RECQL: variants seen among roughly 807,000 people sequenced by gnomAD.
RECQL encodes the protein ATP-dependent DNA helicase Q1.
A neutral mutation model predicts 75.8 loss-of-function variants in RECQL; 73 were observed. The ratio of observed to expected loss-of-function variants is 0.96; its 90% CI spans 0.80 to 1.17. The LOEUF is 1.17. Among genes scored for constraint, RECQL ranks in the 50% most tolerant of loss-of-function variants. The pLI, the probability that RECQL is intolerant of heterozygous loss-of-function variation, is 0.00. For missense variants in RECQL, 699 were observed against 772.1 expected (o/e 0.91, Z 1.12); for synonymous variants, 248 against 254.4 (o/e 0.97, Z 0.24).
intron 5 of RECQL, 25 bp from the exon 6 acceptor site, chr12:21,483,599 A>C: frequency 1.3e-6 from 2 of 1,508,326 alleles, no homozygotes; most frequent in Non-Finnish European, 1.8e-6. Context: ...AAATAGACAC[A>C]ATGATAGTAA....
At chr12:21,473,808 T>C (rs1237489744) in intron 11 of RECQL, among the ~76,000 whole-genome samples, 166 bp from the exon 12 acceptor site, 3 of 152,158 alleles carry the variant, frequency 2.0e-5, no homozygotes, top group Admixed American at 6.6e-5. Flanking sequence ...TTCTGTGGTT[T>C]AGATTTAGAA....
At chr12:21,499,703 G>T in intron 1 of RECQL, 88 bp from the exon 2 acceptor site, 1 of 667,470 alleles carries the variant, frequency 1.5e-6, no homozygotes, top group Non-Finnish European at 2.6e-6. Flanking sequence ...TCATTCCTAA[G>T]CACGGAAAAT....
intron 3 of RECQL, 89 bp downstream of exon 3, chr12:21,491,430 G>A (rs1472450998): frequency 7.7e-7 from 1 of 1,298,348 alleles, no homozygotes; most frequent in Non-Finnish European, 1.0e-6. Context: ...TAAGCCTACT[G>A]GAAAGCACTG....
Position 21,475,495 on chromosome 12 carries a change from T to A in RECQL, c.1189A>T (p.Asn397Tyr). The change falls in exon 10 of 15, where the codon AAT becomes TAT. Residue 397 changes from asparagine (N) to tyrosine (Y), a missense_variant. Physicochemically the swap from Asn to Tyr is moderately radical, Grantham distance 143. This residue lies in a region of RECQL where 669 missense variants were observed against 713.5 expected (regional missense o/e 0.94). Coordinates refer to ENST00000444129, the MANE Select transcript of RECQL (RefSeq NM_002907.4). ...GCACGTCCACTCTCTTGGTAATAAT[T>A]TTCCATGGATTTACTCATTGAATGA... ...IHHSMSKSMENYYQESGRAGR... is the reference protein window; with the variant it reads ...IHHSMSKSMEYYYQESGRAGR... The A allele has an allele frequency of 6.2e-7, 1 of 1,611,898 alleles. No individual in the cohort carries two copies. The highest frequency in any genetic ancestry group is 8.5e-7 in the Non-Finnish European group (1 of 1,178,578).
chr12:21,477,644 T>G (rs1176364251), intron 7 of RECQL, among the ~76,000 whole-genome samples, 159 bp downstream of exon 7: 1 of 152,240 alleles, frequency 6.6e-6, no homozygotes, highest in East Asian at 1.9e-4. Context: ...AAAAGATACA[T>G]GAATGAAGCC....
rs138651198 is a variant in RECQL, at chr12:21,471,006, G to T, written c.1760C>A (p.Thr587Asn). 1 of 1,590,496 alleles carries T rather than the reference G, an allele frequency of 6.3e-7. No homozygotes were observed. Among genetic ancestry groups the T allele is most frequent in the Non-Finnish European group, 8.5e-7 (1 of 1,171,058 alleles). Residue 587 changes from threonine to asparagine, a missense_variant, in exon 14 of 15, where the codon ACT becomes AAT. Transcript: ENST00000444129. ...NLLNNEAHAI[T>N]MQVTKSTQNS... Reference sequence around the variant, plus strand: ...CTGCGTGGACTTTGTCACTTGCATAGTAATAGCATGTGCCTCATTGTTCAG... The same window carrying T: ...CTGCGTGGACTTTGTCACTTGCATATTAATAGCATGTGCCTCATTGTTCAG...
intron 5 of RECQL, among the ~76,000 whole-genome samples, chr12:21,485,209 G>C (rs1228708052): frequency 1.2e-5 from 1 of 84,646 alleles, no homozygotes; most frequent in East Asian, 3.5e-4. Flanking sequence ...GTATACTCTT[G>C]CAAAAAAAAA....
chr12:21,474,658 A>G (rs186522413), intron 11 of RECQL, among the ~76,000 whole-genome samples, 183 bp downstream of exon 11: 56 of 152,278 alleles, frequency 3.7e-4, no homozygotes, highest in African/African-American at 1.2e-3. Context: ...AAGATAGGGC[A>G]TCTTTTCTTG....
Position 21,471,579 on chromosome 12 carries a change from G to T in RECQL, c.1516C>A (p.Leu506Met). ...TTCAATGGAGTGAGTTTTTCATTCA[G>T]TTCCTCTGCCTGCTTCAGGATCTTG... Reference protein sequence around the residue: ...LIKILKQAEELNEKLTPLKLI... With the variant: ...LIKILKQAEEMNEKLTPLKLI... Residue 506 changes from leucine to methionine, a missense_variant, in exon 13 of 15, where the codon CTG (leucine) becomes ATG (methionine). Leu to Met is a conservative substitution (Grantham distance 15, BLOSUM62 2). This residue lies in a region of RECQL where 669 missense variants were observed against 713.5 expected (regional missense o/e 0.94). Coordinates refer to ENST00000444129, the MANE Select transcript of RECQL (RefSeq NM_002907.4). The T allele has an allele frequency of 6.2e-7, 1 of 1,612,700 alleles. No individual in the cohort carries two copies. The highest frequency in any genetic ancestry group is 8.5e-7 in the Non-Finnish European group (1 of 1,179,238).
intron 2 of RECQL, among the ~76,000 whole-genome samples, chr12:21,494,291 A>T (rs1300423817): frequency 6.6e-6 from 1 of 152,138 alleles, no homozygotes; most frequent in Non-Finnish European, 1.5e-5. Context: ...CACCTCCAAC[A>T]CTGGAGGTCA....
Position 21,483,197 on chromosome 12 carries a change from C to A in RECQL, c.700+179G>T, listed in dbSNP as rs142534146. Among the ~76,000 whole-genome samples the A allele has an allele frequency of 7.9e-5, 12 of 152,182 alleles. No individual in the cohort carries two copies. The East Asian group carries it at 2.3e-3, about 29-fold the overall frequency. The stretch of plus-strand genomic sequence containing the variant: ...AAATAAGTAATACAGGTTGATCATC[C>A]CAAATCCAAAAAAATCCAAAATTTA... On this transcript the variant is annotated intron_variant, in intron 6 of 14. Transcript: ENST00000444129.
rs369768928 is a variant in RECQL, at chr12:21,484,202, A to G, written c.502-628T>C. ...TTAGATGTCATTTTTTTTCCTTCTA[A>G]TCTAAAGAGGACCAAAAAAGTATAA... On this transcript the variant is annotated intron_variant, in intron 5 of 14. Transcript: ENST00000444129. Among the ~76,000 whole-genome samples, 109 of 152,158 alleles carry G rather than the reference A, an allele frequency of 7.2e-4. No homozygotes were observed. The South Asian group carries it at 0.022, about 30-fold the overall frequency.
chr12:21,473,550 C>T lies in RECQL; in HGVS notation c.1447+1G>A, dbSNP rs1396109526. On this transcript the variant is annotated splice_donor_variant, in intron 12 of 14. Coordinates refer to ENST00000444129, the MANE Select transcript of RECQL (RefSeq NM_002907.4). LOFTEE classifies it high-confidence loss of function. ...AAAGGTTTACAAAACAACAAACTCACCACTGTCTTTACAGCAGTTATCGCA... is the reference window on the plus strand; with the variant it reads ...AAAGGTTTACAAAACAACAAACTCATCACTGTCTTTACAGCAGTTATCGCA... 1 of 1,610,376 alleles carries T rather than the reference C, an allele frequency of 6.2e-7. No homozygotes were observed. The highest frequency in any genetic ancestry group is 8.5e-7 in the Non-Finnish European group (1 of 1,177,158).
At chr12:21,473,989 G>A (rs1253277660) in intron 11 of RECQL, among the ~76,000 whole-genome samples, 1 of 152,064 alleles carries the variant, frequency 6.6e-6, no homozygotes, top group Non-Finnish European at 1.5e-5. Flanking sequence ...GAATTAGGAC[G>A]TGAACATCTT....
chr12:21,498,266 G>A lies in RECQL; in HGVS notation c.16+1289C>T, dbSNP rs973461916. On this transcript the variant is annotated intron_variant, in intron 2 of 14. Coordinates refer to ENST00000444129, the MANE Select transcript of RECQL (RefSeq NM_002907.4). Reference sequence around the variant, plus strand: ...GCTGGGTATCAGCACTTTAAGGGCTGGACTAGTAGCCTCCAGGATATGGCA... The same window carrying A: ...GCTGGGTATCAGCACTTTAAGGGCTAGACTAGTAGCCTCCAGGATATGGCA... Among the ~76,000 whole-genome samples, 10 of 152,276 alleles carry A rather than the reference G, an allele frequency of 6.6e-5. No homozygotes were observed. The South Asian group carries it at 2.1e-3, about 32-fold the overall frequency.
At chr12:21,481,199 G>A (rs1173957479) in intron 6 of RECQL, among the ~76,000 whole-genome samples, 1 of 152,162 alleles carries the variant, frequency 6.6e-6, no homozygotes, top group Non-Finnish European at 1.5e-5. Flanking sequence ...AAGGAAAGGC[G>A]AAGAAAACAA....
chr12:21,483,510 A>G lies in RECQL; in HGVS notation c.566T>C (p.Val189Ala). The G allele has an allele frequency of 6.3e-7, 1 of 1,586,908 alleles. No individual in the cohort carries two copies. Among genetic ancestry groups the G allele is most frequent in the Non-Finnish European group, 8.5e-7 (1 of 1,172,600 alleles). ...GCTTTTTGCAATTTTCTCTGGAGTC[A>G]CATAAATCAGCTTTAACTCGGAGTT... ...NKNSELKLIY[V>A]TPEKIAKSKM... Residue 189 changes from valine (V) to alanine (A), a missense_variant, in exon 6 of 15, where the codon GTG (valine) becomes GCG (alanine). Physicochemically the swap from Val to Ala is moderately conservative, Grantham distance 64. Around this residue, in one of 2 missense-constraint regions of RECQL, gnomAD observed 669 missense variants for 713.5 expected, o/e 0.94. Coordinates refer to ENST00000444129, the MANE Select transcript of RECQL (RefSeq NM_002907.4).
chr12:21,487,414 G>A (rs1447255457), intron 4 of RECQL, among the ~76,000 whole-genome samples: 1 of 152,176 alleles, frequency 6.6e-6, no homozygotes, highest in Non-Finnish European at 1.5e-5. Flanking sequence ...CTGTCTGAAT[G>A]AAGTTATAGT....
At chr12:21,500,278 G>A (rs533697242) in intron 1 of RECQL, among the ~76,000 whole-genome samples, 29 of 152,304 alleles carry the variant, frequency 1.9e-4, no homozygotes, top group African/African-American at 6.7e-4. Context: ...GGTTTGTAAT[G>A]ATTTCTAAGT....
Sources: allele counts gnomAD v4.1 joint callset (sites outside exome capture counted in the v4.1 genomes callset), GRCh38; gene constraint gnomAD v4.1.1; regional missense constraint gnomAD v4.1.1; transcripts MANE v1.5; gene names NCBI Gene and HGNC (gene_info 2026-07-23, HGNC 2026-07-21).